The following KCNH7 variants were observed in gnomAD, a reference collection of about 807,000 sequenced individuals.
The protein encoded by KCNH7 is potassium voltage-gated channel subfamily H member 7.
In KCNH7, 49 loss-of-function variants were observed where a neutral mutation model predicts 120.8. The observed-to-expected ratio is 0.41, with a 90% CI of 0.32 to 0.51. The LOEUF (loss-of-function observed/expected upper bound fraction) is 0.51, where lower values mean the gene tolerates loss of function less well. Among genes scored for constraint, KCNH7 ranks in the 20% least tolerant of loss-of-function variants. The probability of loss-of-function intolerance (pLI) is 0.38; values close to 1 mark genes in which losing one functional copy is unlikely to be tolerated. For missense variants in KCNH7, 1,097 were observed against 1,446.6 expected (o/e 0.76, Z 3.92); for synonymous variants, 547 against 516.1 (o/e 1.06, Z -0.81).
chr2:162,568,056 G>A (rs1189845728), intron 2 of KCNH7, among the ~76,000 whole-genome samples: 1 of 151,966 alleles, frequency 6.6e-6, no homozygotes, highest in Non-Finnish European at 1.5e-5. Flanking sequence ...ATGGCCTCAG[G>A]AAACTTAACA....
intron 2 of KCNH7, among the ~76,000 whole-genome samples, chr2:162,825,500 T>A (rs1685249246): frequency 6.6e-6 from 1 of 151,988 alleles, no homozygotes; most frequent in South Asian, 2.1e-4. Context: ...ATATACCTTT[T>A]TGCTGTTATA....
At chr2:162,573,043 A>C (rs527910567) in intron 2 of KCNH7, among the ~76,000 whole-genome samples, 7 of 152,100 alleles carry the variant, frequency 4.6e-5, no homozygotes, top group Non-Finnish European at 8.8e-5. Flanking sequence ...AACTTAAAGT[A>C]TAATAATAAC....
chr2:162,542,897 T>A (rs150934625), intron 2 of KCNH7, among the ~76,000 whole-genome samples: 2,831 of 152,234 alleles, frequency 0.019, 46 homozygotes, highest in Non-Finnish European at 0.028. Flanking sequence ...TTTCTCCACA[T>A]CCTCTCCAGC....
intron 2 of KCNH7, among the ~76,000 whole-genome samples, chr2:162,758,739 C>T (rs982147432): frequency 1.3e-5 from 2 of 152,058 alleles, no homozygotes; most frequent in African/African-American, 4.8e-5. Flanking sequence ...ATTGAATTCT[C>T]TTATAGGTTT....
At chr2:162,716,908 G>C (rs1687142078) in intron 2 of KCNH7, among the ~76,000 whole-genome samples, 1 of 152,064 alleles carries the variant, frequency 6.6e-6, no homozygotes, top group Non-Finnish European at 1.5e-5. Flanking sequence ...AATTCTGGTT[G>C]TTAAAAATGT....
chr2:162,389,093 CT>C (rs1488724203), intron 12 of KCNH7, among the ~76,000 whole-genome samples: 1 of 151,964 alleles, frequency 6.6e-6, no homozygotes, highest in Non-Finnish European at 1.5e-5. Context: ...ACAGGCACAT[CT>C]TTAACACTGT....
chr2:162,688,768 TG>T (rs1478941117), intron 2 of KCNH7, among the ~76,000 whole-genome samples: 19 of 151,420 alleles, frequency 1.3e-4, no homozygotes, highest in Non-Finnish European at 2.7e-4. Flanking sequence ...CTCTGCTGTC[TG>T]CACTGCTGTT....
At chr2:162,440,668 T>C (rs1206649761) in intron 7 of KCNH7, among the ~76,000 whole-genome samples, 4 of 152,092 alleles carry the variant, frequency 2.6e-5, no homozygotes, top group Admixed American at 6.6e-5. Flanking sequence ...ACCTCACAAA[T>C]ACTTCTAAAG....
intron 6 of KCNH7, among the ~76,000 whole-genome samples, chr2:162,462,852 C>T (rs528961719): frequency 3.3e-5 from 5 of 152,098 alleles, no homozygotes; most frequent in Admixed American, 6.6e-5. Context: ...TTCAAAACAT[C>T]ACATTATATC....
chr2:162,433,742 T>A (rs965439440), intron 8 of KCNH7, among the ~76,000 whole-genome samples: 1 of 152,036 alleles, frequency 6.6e-6, no homozygotes, highest in Non-Finnish European at 1.5e-5. Context: ...GAAAATGGAA[T>A]GCTTATATTG....
intron 2 of KCNH7, among the ~76,000 whole-genome samples, chr2:162,722,156 C>A (rs931558555): frequency 4.0e-5 from 6 of 151,768 alleles, no homozygotes; most frequent in Non-Finnish European, 4.4e-5. Context: ...CTAAACGAAC[C>A]AAAATTATTA....
chr2:162,450,901 G>T (rs1246001766), intron 6 of KCNH7, among the ~76,000 whole-genome samples: 2 of 152,112 alleles, frequency 1.3e-5, no homozygotes, highest in South Asian at 2.1e-4. Context: ...GGCAGAAATT[G>T]AGAGGAGGGG....
At chr2:162,683,959 C>T (rs1409309209) in intron 2 of KCNH7, among the ~76,000 whole-genome samples, 1 of 151,956 alleles carries the variant, frequency 6.6e-6, no homozygotes. Flanking sequence ...TACTACAAGG[C>T]TACGGTAACG....
chr2:162,727,284 A>AT (rs569680154), intron 2 of KCNH7, among the ~76,000 whole-genome samples: 2 of 152,106 alleles, frequency 1.3e-5, no homozygotes, highest in African/African-American at 4.8e-5. Flanking sequence ...TTTTATTAAG[A>AT]TTTTTTTGTC....
chr2:162,538,352 T>A (rs1692183703), intron 2 of KCNH7, among the ~76,000 whole-genome samples: 1 of 152,088 alleles, frequency 6.6e-6, no homozygotes, highest in Non-Finnish European at 1.5e-5. Flanking sequence ...TTAGGAAATG[T>A]GTCCATTTCG....
At chr2:162,478,544 G>T (rs79551348) in intron 6 of KCNH7, among the ~76,000 whole-genome samples, 81 of 152,004 alleles carry the variant, frequency 5.3e-4, no homozygotes, top group Non-Finnish European at 9.9e-4. Context: ...AATCTTATAG[G>T]CTAGATATTT....
chr2:162,719,884 C>A (rs1490964016), intron 2 of KCNH7, among the ~76,000 whole-genome samples: 1 of 151,998 alleles, frequency 6.6e-6, no homozygotes, highest in Non-Finnish European at 1.5e-5. Flanking sequence ...TTCCCTGCAA[C>A]CTTATTTAAT....
intron 2 of KCNH7, among the ~76,000 whole-genome samples, chr2:162,732,751 C>G (rs1214438332): frequency 6.6e-6 from 1 of 152,178 alleles, no homozygotes; most frequent in African/African-American, 2.4e-5. Flanking sequence ...TAGCTCTTTA[C>G]AAGTTTTGGG....
At chr2:162,521,097 T>C (rs1056060160) in intron 3 of KCNH7, among the ~76,000 whole-genome samples, 3 of 151,894 alleles carry the variant, frequency 2.0e-5, no homozygotes, top group African/African-American at 7.2e-5. Flanking sequence ...ACCCCTTTCA[T>C]AGCTTTCACC....
Sources: gnomAD v4.1 joint callset for allele counts (sites outside exome capture counted in the v4.1 genomes callset) on GRCh38, gnomAD v4.1.1 for gene constraint, MANE v1.5 for transcripts, NCBI Gene and HGNC (gene_info 2026-07-23, HGNC 2026-07-21) for gene names.